The following COL23A1 variants were observed in gnomAD, a reference collection of about 807,000 sequenced individuals.
The protein encoded by COL23A1 is collagen type XXIII alpha 1 chain.
COL23A1 carries 97 observed loss-of-function variants against 99.3 expected under a neutral mutation model. That is an observed-to-expected ratio of 0.98 (90% CI 0.83 to 1.16). The LOEUF (loss-of-function observed/expected upper bound fraction) is 1.16, where lower values mean the gene tolerates loss of function less well. Ranked by LOEUF, COL23A1 falls within the 50% of genes most tolerant of loss-of-function variation. COL23A1 has a pLI of 0.00. For missense variants in COL23A1, 762 were observed against 757.4 expected, an observed-to-expected ratio of 1.01 and a Z score of -0.07; for synonymous variants, 320 against 308.2, an observed-to-expected ratio of 1.04 and a Z score of -0.40.
chr5:178,419,110 C>T (rs989072677), intron 2 of COL23A1, among the ~76,000 whole-genome samples: 7 of 152,192 alleles, frequency 4.6e-5, no homozygotes, highest in African/African-American at 7.2e-5. Flanking sequence ...CGTTGGCACT[C>T]GCTTTTAAGG....
intron 2 of COL23A1, among the ~76,000 whole-genome samples, chr5:178,402,620 C>T (rs1473826310): frequency 1.3e-5 from 2 of 152,022 alleles, no homozygotes; most frequent in African/African-American, 2.4e-5. Context: ...TGTGTGGTGG[C>T]GCATGCCTGT....
At chr5:178,458,209 A>G (rs1474452793) in intron 2 of COL23A1, among the ~76,000 whole-genome samples, 6 of 5,642 alleles carry the variant, frequency 1.1e-3, no homozygotes, top group African/African-American at 0.01. Flanking sequence ...TTATTTGGAA[A>G]ATTGGTAAAT....
In COL23A1 at chr5:178,310,395, A is replaced by G. The variant is rs1758608325; in HGVS notation, c.362-3476T>C. Among the ~76,000 whole-genome samples the G allele has an allele frequency of 6.6e-6, 1 of 152,210 alleles. No homozygotes were observed. The highest frequency in any genetic ancestry group is 2.4e-5 in the African/African-American group (1 of 41,452). On this transcript the variant is annotated intron_variant, in intron 2 of 28. Coordinates refer to ENST00000390654, the MANE Select transcript of COL23A1 (RefSeq NM_173465.4). The surrounding 1 kb of genome is among the most constrained non-coding windows in gnomAD (Gnocchi z 4.3). ...CAAGCCGGCTGCTCACCCAGTGAGCATGAACTTGGGACCCTTTTCCTCCAG... is the reference window on the plus strand; with the variant it reads ...CAAGCCGGCTGCTCACCCAGTGAGCGTGAACTTGGGACCCTTTTCCTCCAG...
At chr5:178,249,881 G>T (rs2913850) in intron 18 of COL23A1, among the ~76,000 whole-genome samples, 180 bp downstream of exon 18, 137,669 of 152,148 alleles carry the variant, frequency 0.9, 62,415 homozygotes, top group South Asian at 0.93. Flanking sequence ...GCCCAGGGCC[G>T]GAGGGCAGAC....
chr5:178,296,153 C>T (rs1757729579), intron 3 of COL23A1, among the ~76,000 whole-genome samples: 1 of 152,236 alleles, frequency 6.6e-6, no homozygotes, highest in Non-Finnish European at 1.5e-5. Flanking sequence ...ACACTCATGT[C>T]CAAGCTGCCT....
chr5:178,319,367 G>C (rs1435401274), intron 2 of COL23A1, among the ~76,000 whole-genome samples: 2 of 152,146 alleles, frequency 1.3e-5, no homozygotes, highest in Admixed American at 1.3e-4. Context: ...CGAAGGCCAG[G>C]ATTTATTGCT....
chr5:178,429,202 G>A (rs538399305), intron 2 of COL23A1, among the ~76,000 whole-genome samples: 108 of 152,168 alleles, frequency 7.1e-4, no homozygotes, highest in African/African-American at 2.4e-3. Flanking sequence ...CATGCGCCTC[G>A]GGAAAGGCCG....
Position 178,460,793 on chromosome 5 carries a change from G to A in COL23A1, c.361+99889C>T, listed in dbSNP as rs530624136. On this transcript the variant is annotated intron_variant, in intron 2 of 28. Coordinates refer to ENST00000390654, the MANE Select transcript of COL23A1 (RefSeq NM_173465.4). ...CATTTTATAAAAGGTCTTACCAGCC[G>A]TATGTTGCTAGGATATATGGACAAA... Among the ~76,000 whole-genome samples, 9 of 152,232 alleles carry A rather than the reference G, an allele frequency of 5.9e-5. No homozygotes were observed. In the East Asian group the frequency reaches 9.6e-4, roughly 16 times the overall value.
chr5:178,488,488 T>C (rs1235326072), intron 2 of COL23A1, among the ~76,000 whole-genome samples: 2 of 152,058 alleles, frequency 1.3e-5, no homozygotes, highest in Non-Finnish European at 2.9e-5. Flanking sequence ...TTCCTTCCTT[T>C]CCCTCACCGC....
chr5:178,357,761 CGTGTATGTATGTGTGTAT>C (rs1761757723), intron 2 of COL23A1, among the ~76,000 whole-genome samples: 1 of 137,846 alleles, frequency 7.3e-6, no homozygotes, highest in South Asian at 2.3e-4. Context: ...TGTGTGTGTA[CGTGTATGTATGTGTGTAT>C]GTGTATGTGT....
At chr5:178,245,021 C>CATCATCCATCCATCCACTCATCATCT (rs1442656569) in intron 25 of COL23A1, among the ~76,000 whole-genome samples, 4 of 143,800 alleles carry the variant, frequency 2.8e-5, no homozygotes, top group African/African-American at 7.9e-5. Context: ...CCACTGCCAT[C>CATCATCCATCCATCCACTCATCATCT]ATCATCCATC....
intron 2 of COL23A1, among the ~76,000 whole-genome samples, chr5:178,483,089 A>G (rs905573312): frequency 6.6e-6 from 1 of 152,170 alleles, no homozygotes; most frequent in African/African-American, 2.4e-5. Context: ...AAAAGAAAAA[A>G]AAAACTAAAA....
At chr5:178,260,392 G>A (rs1391128535) in intron 11 of COL23A1, among the ~76,000 whole-genome samples, 1 of 152,202 alleles carries the variant, frequency 6.6e-6, no homozygotes, top group Admixed American at 6.5e-5. Context: ...ATGGATGAAA[G>A]GTCAATGTGT....
At chr5:178,574,687 C>A in intron 1 of COL23A1, among the ~76,000 whole-genome samples, 1 of 152,214 alleles carries the variant, frequency 6.6e-6, no homozygotes, top group South Asian at 2.1e-4. Flanking sequence ...AAAAATACAG[C>A]ATTCTGTTTC....
chr5:178,270,835 C>T (rs910347892), intron 5 of COL23A1, among the ~76,000 whole-genome samples: 2 of 152,184 alleles, frequency 1.3e-5, no homozygotes, highest in African/African-American at 4.8e-5. Context: ...AGCTGAGAGA[C>T]AGAGAGAAAG....
At chr5:178,532,853 G>A (rs946124037) in intron 2 of COL23A1, among the ~76,000 whole-genome samples, 16 of 152,318 alleles carry the variant, frequency 1.1e-4, no homozygotes, top group South Asian at 4.1e-4. Context: ...GTGGCAAGAA[G>A]GCAGCTGCCT....
chr5:178,271,812 T>G lies in COL23A1; in HGVS notation c.442-1449A>C, dbSNP rs374701895. On this transcript the variant is annotated intron_variant, in intron 5 of 28. Transcript: ENST00000390654. Reference sequence around the variant, plus strand: ...TATTTGGACCTAACAAGTGTGTGTGTGGGGGCGGGGAGGGCCCTGTAAGCA... The same window carrying G: ...TATTTGGACCTAACAAGTGTGTGTGGGGGGGCGGGGAGGGCCCTGTAAGCA... 3.5e-4 allele frequency among the ~76,000 whole-genome samples: 54 copies of G among 152,200 alleles called. 1 individual carries two copies. The highest frequency in any genetic ancestry group is 1.5e-3 in the East Asian group (8 of 5,178).
At chr5:178,479,851 A>G (rs1757235894) in intron 2 of COL23A1, among the ~76,000 whole-genome samples, 1 of 152,180 alleles carries the variant, frequency 6.6e-6, no homozygotes, top group Admixed American at 6.5e-5. Context: ...TCCTTAGGCG[A>G]TTGTGTCATT....
intron 2 of COL23A1, among the ~76,000 whole-genome samples, chr5:178,454,970 G>A (rs900774823): frequency 9.2e-5 from 14 of 152,168 alleles, no homozygotes; most frequent in Non-Finnish European, 1.2e-4. Context: ...CTGTGGAGGC[G>A]CCTGCCATCC....
Sources: gnomAD v4.1 joint callset for allele counts (sites outside exome capture counted in the v4.1 genomes callset) on GRCh38, gnomAD v4.1.1 for gene constraint, Gnocchi (gnomAD v3.1) non-coding constraint, MANE v1.5 for transcripts, NCBI Gene and HGNC (gene_info 2026-07-23, HGNC 2026-07-21) for gene names.